PIAS4: variants seen among roughly 807,000 people sequenced by gnomAD.
PIAS4 encodes the protein protein inhibitor of activated STAT 4.
In PIAS4, 7 loss-of-function variants were observed where a neutral mutation model predicts 58.0. That is an observed-to-expected ratio of 0.12 (90% CI 0.07 to 0.23). The LOEUF is 0.23. Among genes scored for constraint, PIAS4 ranks in the 10% least tolerant of loss-of-function variants. PIAS4 has a pLI of 1.00. For missense variants in PIAS4, 550 were observed against 709.5 expected, an observed-to-expected ratio of 0.78 and a Z score of 2.55; for synonymous variants, 364 against 312.4, an observed-to-expected ratio of 1.17 and a Z score of -1.74.
At chr19:4,010,277 A>G (rs1195723728) in intron 1 of PIAS4, among the ~76,000 whole-genome samples, 1 of 152,024 alleles carries the variant, frequency 6.6e-6, no homozygotes, top group Non-Finnish European at 1.5e-5. Flanking sequence ...ATGGCCACCT[A>G]AGGGGTGTGC....
In PIAS4 at chr19:4,037,713, G is replaced by C; in HGVS notation, c.1371G>C (p.Glu457Asp). ...TGGGGPVGSMENGKPGADVVD... is the reference protein window; with the variant it reads ...TGGGGPVGSMDNGKPGADVVD... ...GCGGCGGCCCGGTGGGCAGCATGGA[G>C]AATGGGAAGCCGGGCGCCGATGTGG... The change falls in exon 11 of 11, where the codon GAG (glutamate) becomes GAC (aspartate). Residue 457 changes from glutamate (E) to aspartate (D), a missense_variant. Glu to Asp is a conservative substitution (Grantham distance 45). Around this residue, in one of 4 missense-constraint regions of PIAS4, gnomAD observed 188 missense variants for 192.0 expected, o/e 0.98. Transcript: ENST00000262971. The surrounding 1 kb of genome is among the most constrained non-coding windows in gnomAD (Gnocchi z 5.8). The C allele has an allele frequency of 1.9e-6, 3 of 1,611,832 alleles. No individual in the cohort carries two copies. The highest frequency in any genetic ancestry group is 2.5e-6 in the Non-Finnish European group (3 of 1,179,560).
chr19:4,014,810 C>G (rs184844117), intron 2 of PIAS4, among the ~76,000 whole-genome samples: 1 of 152,228 alleles, frequency 6.6e-6, no homozygotes, highest in Non-Finnish European at 1.5e-5. Flanking sequence ...AGGGAGGCAG[C>G]GTTGATGGGG....
chr19:4,036,136 C>T (rs1222208859), intron 9 of PIAS4, among the ~76,000 whole-genome samples: 2 of 129,050 alleles, frequency 1.5e-5, no homozygotes, highest in Admixed American at 7.7e-5. Flanking sequence ...CACACCGTCA[C>T]ACATCCGTAC....
chr19:4,029,925 C>T (rs1021946826), intron 7 of PIAS4, among the ~76,000 whole-genome samples: 2 of 144,590 alleles, frequency 1.4e-5, no homozygotes, highest in South Asian at 4.4e-4. Flanking sequence ...TGGGTTCAAG[C>T]GATTCTTCTG....
At chr19:4,008,064 C>T (rs1027624224) in intron 1 of PIAS4, among the ~76,000 whole-genome samples, 31 of 151,994 alleles carry the variant, frequency 2.0e-4, no homozygotes, top group African/African-American at 7.0e-4. Flanking sequence ...CCCTTAGGGT[C>T]CCGGTCCCTG....
At chr19:4,025,083 G>C (rs537183287) in intron 3 of PIAS4, among the ~76,000 whole-genome samples, 10 of 152,324 alleles carry the variant, frequency 6.6e-5, no homozygotes, top group African/African-American at 1.7e-4. Context: ...TTTTTTCCCA[G>C]TTATATAATG....
rs2040228196 is a variant in PIAS4 at position 4,032,142 on chromosome 19, G to A, written c.908-958G>A. 2.0e-5 allele frequency among the ~76,000 whole-genome samples: 3 copies of A among 152,070 alleles called. No homozygotes were observed. In the South Asian group the frequency reaches 6.2e-4, roughly 32 times the overall value. On this transcript the variant is annotated intron_variant, in intron 7 of 10. Coordinates refer to ENST00000262971, the MANE Select transcript of PIAS4 (RefSeq NM_015897.4). ...TCCCAAGCGGGCAGAGATAAGTGGT[G>A]TTTCAGGCCAATAAGGGGTGGTAGG...
At position 4,038,004 on chromosome 19, in the gene PIAS4, G is replaced by A; in HGVS notation, c.*129G>A. 1.0e-6 allele frequency: 1 copy of A among 988,712 alleles called. No individual in the cohort carries two copies. Among genetic ancestry groups the A allele is most frequent in the Non-Finnish European group, 1.5e-6 (1 of 682,796 alleles). The allele number at this position is 988,712 out of a possible 1,614,324, so 61.2% of individuals were successfully genotyped here. ...GTTCGTTTTGTTTTTCCACCCTTTT[G>A]CCTGGCTCCTGGCACCTGTACCTCT... On this transcript the variant is annotated 3_prime_UTR_variant, in exon 11 of 11. Transcript: ENST00000262971. The surrounding 1 kb of genome is among the most constrained non-coding windows in gnomAD (Gnocchi z 4.1).
intron 7 of PIAS4, among the ~76,000 whole-genome samples, chr19:4,032,196 C>T (rs966972301): frequency 6.6e-6 from 1 of 151,746 alleles, no homozygotes; most frequent in Non-Finnish European, 1.5e-5. Flanking sequence ...AACGTCAGGA[C>T]AGCTGGGGGG....
intron 7 of PIAS4, 56 bp downstream of exon 7, chr19:4,029,092 C>G (rs1332040863): frequency 2.3e-6 from 3 of 1,316,984 alleles, no homozygotes; most frequent in Admixed American, 2.0e-5. Flanking sequence ...TGGAAACCCG[C>G]CCTGTGCTGG....
chr19:4,038,078 G>C lies in PIAS4; in HGVS notation c.*203G>C. On this transcript the variant is annotated 3_prime_UTR_variant, in exon 11 of 11. Transcript: ENST00000262971. This position sits in a 1 kb window ranked among gnomAD's most constrained non-coding sequence, Gnocchi z 4.1. ...AAAAAAAAGTAAAATGACAAAAAAAGATACAAAAAAGAAAAATGAAACAAA... is the reference window on the plus strand; with the variant it reads ...AAAAAAAAGTAAAATGACAAAAAAACATACAAAAAAGAAAAATGAAACAAA... 1.8e-6 allele frequency: 1 copy of C among 552,878 alleles called. No individual in the cohort carries two copies. Among genetic ancestry groups the C allele is most frequent in the Non-Finnish European group, 3.0e-6 (1 of 330,050 alleles). 34.2% of individuals were successfully genotyped at this position (552,878 alleles called of 1,614,324 possible).
chr19:4,031,359 G>A (rs1433182443), intron 7 of PIAS4, among the ~76,000 whole-genome samples: 2 of 152,196 alleles, frequency 1.3e-5, no homozygotes, highest in African/African-American at 4.8e-5. Flanking sequence ...AGGGTGAGGG[G>A]TCCCTCCACG....
At chr19:4,008,096 C>T (rs955781343) in intron 1 of PIAS4, among the ~76,000 whole-genome samples, 9 of 152,012 alleles carry the variant, frequency 5.9e-5, no homozygotes, top group Non-Finnish European at 1.3e-4. Flanking sequence ...AGGGCCGCGC[C>T]TCCCGGTTGA....
intron 2 of PIAS4, among the ~76,000 whole-genome samples, chr19:4,022,134 G>A (rs952220859): frequency 1.3e-5 from 2 of 152,082 alleles, no homozygotes; most frequent in Non-Finnish European, 2.9e-5. Context: ...TGTATCTTTT[G>A]GTACCCGTTT....
At chr19:4,022,755 C>T (rs1355426750) in intron 2 of PIAS4, among the ~76,000 whole-genome samples, 1 of 151,794 alleles carries the variant, frequency 6.6e-6, no homozygotes, top group East Asian at 2.0e-4. Flanking sequence ...TCACTGCAAC[C>T]TTTGCCTCTC....
rs376892762 is a variant in PIAS4, at chr19:4,036,434, TCATA to T, written c.1143-937_1143-934del. Among the ~76,000 whole-genome samples, 850 of 124,756 alleles carry T rather than the reference TCATA, an allele frequency of 6.8e-3. 46 individuals are homozygous for T. Among genetic ancestry groups the T allele is most frequent in the Middle Eastern group, 0.011 (2 of 190 alleles). The allele number at this position is 124,756 out of a possible 152,430, so 81.8% of individuals were successfully genotyped here. On this transcript the variant is annotated intron_variant, in intron 9 of 10. Transcript: ENST00000262971. Reference sequence around the variant, plus strand: ...TCACACATCCGTACAGTCCACACTGTCATACAAACACACACACATCTATACGGTC... The same window carrying T: ...TCACACATCCGTACAGTCCACACTGTCAAACACACACACATCTATACGGTC...
At chr19:4,018,363 C>G (rs904725800) in intron 2 of PIAS4, 1 of 152,222 alleles carries the variant, frequency 6.6e-6, no homozygotes, top group Non-Finnish European at 1.5e-5. Flanking sequence ...CTGCTCACAG[C>G]GTTAAATATT....
At chr19:4,023,172 CAA>C (rs36013586) in intron 2 of PIAS4, among the ~76,000 whole-genome samples, 12 of 118,704 alleles carry the variant, frequency 1.0e-4, no homozygotes, top group Non-Finnish European at 8.6e-5. Flanking sequence ...AACAAAGTCT[CAA>C]AAAAAAAAAA....
chr19:4,031,738 G>C (rs1240707373), intron 7 of PIAS4, among the ~76,000 whole-genome samples: 1 of 152,190 alleles, frequency 6.6e-6, no homozygotes, highest in Non-Finnish European at 1.5e-5. Context: ...CCCAGGCTCA[G>C]CCTCTCTGTC....
Sources: allele counts gnomAD v4.1 joint callset (sites outside exome capture counted in the v4.1 genomes callset), GRCh38; gene constraint gnomAD v4.1.1; regional missense constraint gnomAD v4.1.1; non-coding constraint Gnocchi (gnomAD v3.1); transcripts MANE v1.5; gene names NCBI Gene and HGNC (gene_info 2026-07-23, HGNC 2026-07-21).